The following VWC2 variants were observed in gnomAD, a reference collection of about 807,000 sequenced individuals.
The protein encoded by VWC2 is brorin.
In VWC2, 14 loss-of-function variants were observed where a neutral mutation model predicts 29.8. The ratio of observed to expected loss-of-function variants is 0.47; its 90% CI spans 0.31 to 0.74. The LOEUF is 0.74. VWC2 is among the 30% of genes least tolerant of loss of function. VWC2 has a pLI of 0.05. For missense variants in VWC2, 457 were observed against 459.8 expected (o/e 0.99, Z 0.05); for synonymous variants, 213 against 199.0 (o/e 1.07, Z -0.59).
At chr7:49,896,192 T>C (rs1295568309) in intron 3 of VWC2, among the ~76,000 whole-genome samples, 1 of 151,978 alleles carries the variant, frequency 6.6e-6, no homozygotes, top group Non-Finnish European at 1.5e-5. Flanking sequence ...AATACAAAAA[T>C]TAGTCAGGTT....
In VWC2 at chr7:49,831,670, T is replaced by A. The variant is rs1029945807; in HGVS notation, c.826+28830T>A. On this transcript the variant is annotated intron_variant, in intron 3 of 3. Coordinates refer to ENST00000340652, the MANE Select transcript of VWC2 (RefSeq NM_198570.5). ...GGAGGGCAAAGGCTCATTGGCCATGTTTTAGCTACAATGAGAAGAGTTCCT... is the reference window on the plus strand; with the variant it reads ...GGAGGGCAAAGGCTCATTGGCCATGATTTAGCTACAATGAGAAGAGTTCCT... Among the ~76,000 whole-genome samples the A allele has an allele frequency of 4.6e-5, 7 of 152,164 alleles. No individual in the cohort carries two copies. The South Asian group carries it at 1.5e-3, about 32-fold the overall frequency.
At chr7:49,878,610 T>C (rs149078766) in intron 3 of VWC2, among the ~76,000 whole-genome samples, 5,016 of 152,294 alleles carry the variant, frequency 0.033, 322 homozygotes, top group Admixed American at 0.16. Flanking sequence ...TTTTATTATA[T>C]AATGACATTC....
chr7:49,867,127 CCT>C (rs1448489783), intron 3 of VWC2, among the ~76,000 whole-genome samples: 1 of 152,150 alleles, frequency 6.6e-6, no homozygotes, highest in Non-Finnish European at 1.5e-5. Context: ...ATGTGGGGAG[CCT>C]CTCGAGAGAA....
At chr7:49,855,204 C>A (rs1790366375) in intron 3 of VWC2, among the ~76,000 whole-genome samples, 1 of 152,166 alleles carries the variant, frequency 6.6e-6, no homozygotes, top group Admixed American at 6.5e-5. Context: ...GCAAATCTTT[C>A]TTTTTCTCAT....
intron 2 of VWC2, among the ~76,000 whole-genome samples, chr7:49,783,916 G>GA (rs200274550): frequency 0.013 from 1,957 of 151,386 alleles, 35 homozygotes; most frequent in African/African-American, 0.045. Context: ...ATAAAATAAA[G>GA]AAAAAAAAGA....
At chr7:49,827,365 T>A (rs1010521719) in intron 3 of VWC2, among the ~76,000 whole-genome samples, 2 of 120,180 alleles carry the variant, frequency 1.7e-5, no homozygotes, top group Non-Finnish European at 4.2e-5. Context: ...AAATTTTTTT[T>A]AATTCATATT....
At chr7:49,904,659 A>T (rs1396188124) in intron 3 of VWC2, among the ~76,000 whole-genome samples, 3 of 152,056 alleles carry the variant, frequency 2.0e-5, no homozygotes, top group African/African-American at 7.2e-5. Flanking sequence ...AAAAGAACTT[A>T]CCTATTACAA....
At chr7:49,845,556 T>C (rs1157448645) in intron 3 of VWC2, among the ~76,000 whole-genome samples, 1 of 152,218 alleles carries the variant, frequency 6.6e-6, no homozygotes, top group Non-Finnish European at 1.5e-5. Context: ...CTGTGTGAAA[T>C]TGGTCAGATG....
intron 3 of VWC2, among the ~76,000 whole-genome samples, chr7:49,840,242 A>G (rs186863795): frequency 1.5e-3 from 230 of 152,312 alleles, no homozygotes; most frequent in African/African-American, 5.2e-3. Flanking sequence ...CTAAATGTAA[A>G]CTATGAAAAT....
chr7:49,802,764 A>G lies in VWC2; in HGVS notation c.750A>G (p.Thr250=). Residue 250 remains threonine (T), a synonymous_variant, in exon 3 of 4, where the codon ACA becomes ACG. Coordinates refer to ENST00000340652, the MANE Select transcript of VWC2 (RefSeq NM_198570.5). ...RCEANGEVLC[T]VSACPQTECV... is the part of the protein sequence containing the mutation. ...AAGCCAACGGTGAGGTGCTATGCAC[A>G]GTGTCAGCGTGTCCCCAGACGGAGT... 1 of 1,614,258 alleles carries G rather than the reference A, an allele frequency of 6.2e-7. No homozygotes were observed. Among genetic ancestry groups the G allele is most frequent in the Non-Finnish European group, 8.5e-7 (1 of 1,180,036 alleles).
rs1793605967 is a variant in VWC2 at position 49,914,255 on chromosome 7, T to C, written c.*2070T>C. 1 of 152,238 alleles carries C rather than the reference T, an allele frequency of 6.6e-6. No individual in the cohort carries two copies. The highest frequency in any genetic ancestry group is 2.4e-5 in the African/African-American group (1 of 41,468). 9.4% of individuals were successfully genotyped at this position (152,238 alleles called of 1,614,324 possible). A position where few individuals can be genotyped will look rare whatever the true frequency, so the allele number is the denominator to read the frequency against. On this transcript the variant is annotated 3_prime_UTR_variant, in exon 4 of 4. Coordinates refer to ENST00000340652, the MANE Select transcript of VWC2 (RefSeq NM_198570.5). ...CAGCTCAAAGTCTTCCTGTTTCCCT[T>C]AATAATAATTCCTACCAGAATGGAT...
chr7:49,882,864 TTTG>T (rs201572339), intron 3 of VWC2, among the ~76,000 whole-genome samples: 68 of 152,018 alleles, frequency 4.5e-4, no homozygotes, highest in Non-Finnish European at 8.4e-4. Context: ...TTTTTTTGTT[TTTG>T]TTGTTGTTGT....
At chr7:49,853,300 C>T (rs1307680686) in intron 3 of VWC2, among the ~76,000 whole-genome samples, 1 of 152,236 alleles carries the variant, frequency 6.6e-6, no homozygotes, top group Non-Finnish European at 1.5e-5. Context: ...CTGTGGCCGG[C>T]CCCCAGCACT....
At chr7:49,869,141 CT>C in intron 3 of VWC2, among the ~76,000 whole-genome samples, 1 of 151,932 alleles carries the variant, frequency 6.6e-6, no homozygotes, top group East Asian at 1.9e-4. Context: ...TAGTTATGTG[CT>C]TAAACACTAC....
intron 3 of VWC2, among the ~76,000 whole-genome samples, chr7:49,897,423 A>C (rs1442946639): frequency 6.6e-6 from 1 of 152,222 alleles, no homozygotes; most frequent in African/African-American, 2.4e-5. Flanking sequence ...ACATCAATAC[A>C]GAAGAAGAAT....
intron 3 of VWC2, among the ~76,000 whole-genome samples, chr7:49,858,588 A>T (rs1790522112): frequency 6.6e-6 from 1 of 151,162 alleles, no homozygotes; most frequent in South Asian, 2.1e-4. Flanking sequence ...TAGCATTAGG[A>T]GATATACCTA....
rs2128743786 is a variant in VWC2 at position 49,913,066 on chromosome 7, GT to G, written c.*884del. ...TAAGGAAAATCAAACTCCTAAACAA[GT>G]TTATATACCTGAAATCTAAATGTGC... is the stretch of plus-strand genomic sequence containing the variant. On this transcript the variant is annotated 3_prime_UTR_variant, in exon 4 of 4. Transcript: ENST00000340652. The G allele has an allele frequency of 1.3e-5, 2 of 152,236 alleles. No individual in the cohort carries two copies. Among genetic ancestry groups the G allele is most frequent in the Non-Finnish European group, 2.9e-5 (2 of 68,020 alleles). 9.4% of individuals were successfully genotyped at this position (152,236 alleles called of 1,614,324 possible). A position where few individuals can be genotyped will look rare whatever the true frequency, so the allele number is the denominator to read the frequency against.
intron 3 of VWC2, among the ~76,000 whole-genome samples, chr7:49,847,713 G>A (rs1789999335): frequency 1.3e-5 from 2 of 152,186 alleles, no homozygotes; most frequent in Admixed American, 1.3e-4. Context: ...AAGAAGGGGT[G>A]AGGCGGGCTT....
chr7:49,803,381 GACAAACGATGATTACTCTGT>G (rs1269125438), intron 3 of VWC2, among the ~76,000 whole-genome samples: 1 of 152,168 alleles, frequency 6.6e-6, no homozygotes, highest in Non-Finnish European at 1.5e-5. Flanking sequence ...TCCTCATCCT[GACAAACGATGATTACTCTGT>G]ACCTGAGGTA....
Sources: allele counts gnomAD v4.1 joint callset (sites outside exome capture counted in the v4.1 genomes callset), GRCh38; gene constraint gnomAD v4.1.1; transcripts MANE v1.5; gene names NCBI Gene and HGNC (gene_info 2026-07-23, HGNC 2026-07-21).